STAU1: variants seen among roughly 807,000 people sequenced by gnomAD.
STAU1 encodes staufen double-stranded RNA binding protein 1, also known as double-stranded RNA-binding protein Staufen homolog 1.
Under a neutral mutation model 62.9 loss-of-function variants are expected in STAU1, and 13 were observed. The ratio of observed to expected loss-of-function variants is 0.21; its 90% CI spans 0.13 to 0.33. The LOEUF (loss-of-function observed/expected upper bound fraction) is 0.33, where lower values mean the gene tolerates loss of function less well. STAU1 is among the 10% of genes least tolerant of loss of function. STAU1 has a pLI of 1.00. For missense variants in STAU1, 571 were observed against 712.1 expected (o/e 0.80, Z 2.25); for synonymous variants, 269 against 265.1 (o/e 1.01, Z -0.14).
chr20:49,117,888 G>T lies in STAU1; in HGVS notation c.1398C>A (p.Pro466=). ...ARELLYGGTS[P]TAETILKNNI... ...TATTCTTTAAAATGGTCTCGGCTGT[G>T]GGCGAGGTGCCCCCATACAACAACT... Residue 466 remains proline, a synonymous_variant, in exon 11 of 14, where the codon CCC becomes CCA. Transcript: ENST00000371856. This position sits in a 1 kb window ranked among gnomAD's most constrained non-coding sequence, Gnocchi z 4.6. 26 of 1,614,160 alleles carry T rather than the reference G, an allele frequency of 1.6e-5. No homozygotes were observed. The highest frequency in any genetic ancestry group is 2.2e-5 in the Non-Finnish European group (26 of 1,180,020).
chr20:49,117,341 C>T lies in STAU1; in HGVS notation c.1510-93G>A. On this transcript the variant is annotated intron_variant, in intron 11 of 13. Transcript: ENST00000371856. The surrounding 1 kb of genome is among the most constrained non-coding windows in gnomAD (Gnocchi z 4.6). ...CTCCAGGCCCCACAAGCAAGATCACCAGCTCTTTTTTCCAACTCAGCCCCA... is the reference window on the plus strand; with the variant it reads ...CTCCAGGCCCCACAAGCAAGATCACTAGCTCTTTTTTCCAACTCAGCCCCA... The T allele has an allele frequency of 1.3e-6, 2 of 1,499,818 alleles. No individual in the cohort carries two copies. Among genetic ancestry groups the T allele is most frequent in the Non-Finnish European group, 9.1e-7 (1 of 1,099,952 alleles). 92.9% of individuals were successfully genotyped at this position (1,499,818 alleles called of 1,614,324 possible). A position where few individuals can be genotyped will look rare whatever the true frequency, so the allele number is the denominator to read the frequency against.
Position 49,114,726 on chromosome 20 carries a change from G to A in STAU1, c.*152C>T. ...AGCCCGGCCACAGCCGCCTCCTTGTGTTTCTGTTGTCTTCCCTGCTGCTGC... is the reference window on the plus strand; with the variant it reads ...AGCCCGGCCACAGCCGCCTCCTTGTATTTCTGTTGTCTTCCCTGCTGCTGC... On this transcript the variant is annotated 3_prime_UTR_variant, in exon 14 of 14. Coordinates refer to ENST00000371856, the MANE Select transcript of STAU1 (RefSeq NM_017453.4). 4.0e-6 allele frequency: 3 copies of A among 749,632 alleles called. No homozygotes were observed. The highest frequency in any genetic ancestry group is 3.3e-5 in the South Asian group (2 of 60,614). The allele number at this position is 749,632 out of a possible 1,614,324, so 46.4% of individuals were successfully genotyped here.
intron 6 of STAU1, among the ~76,000 whole-genome samples, chr20:49,130,262 T>C (rs2092722408): frequency 6.6e-6 from 1 of 152,074 alleles, no homozygotes; most frequent in Non-Finnish European, 1.5e-5. Context: ...AAGGCAACAC[T>C]ATAGGGACAG....
chr20:49,191,752 A>G (rs191036333), upstream of STAU1, among the ~76,000 whole-genome samples: 378 of 152,256 alleles, frequency 2.5e-3, 2 homozygotes, highest in Non-Finnish European at 4.2e-3. Context: ...CAATTAGAAG[A>G]CATAAAAATA....
the STAU1 span, among the ~76,000 whole-genome samples, chr20:49,217,662 T>G: frequency 0.058 from 7,777 of 134,768 alleles, 670 homozygotes; most frequent in African/African-American, 0.18. Context: ...ATCCTGTTTT[T>G]TTTTTCCTTT....
At chr20:49,129,830 G>C (rs1205325596) in intron 6 of STAU1, among the ~76,000 whole-genome samples, 1 of 151,926 alleles carries the variant, frequency 6.6e-6, no homozygotes, top group Non-Finnish European at 1.5e-5. Context: ...GTTTCACCAT[G>C]TTGGCCAGGC....
the STAU1 span, among the ~76,000 whole-genome samples, chr20:49,216,555 T>TA: frequency 6.6e-6 from 1 of 151,462 alleles, no homozygotes; most frequent in African/African-American, 2.4e-5. Context: ...TAAAAAAAAT[T>TA]AAAAACTCTC....
intron 3 of STAU1, among the ~76,000 whole-genome samples, chr20:49,164,328 G>C (rs939336379): frequency 6.6e-6 from 1 of 151,644 alleles, no homozygotes; most frequent in African/African-American, 2.4e-5. Flanking sequence ...ACAGGGTCTC[G>C]CTCTGTCTCC....
rs1471317963 is a variant in STAU1, at chr20:49,115,771, A to C, written c.1718+11T>G. 1 of 1,612,112 alleles carries C rather than the reference A, an allele frequency of 6.2e-7. No individual in the cohort carries two copies. The highest frequency in any genetic ancestry group is 2.2e-5 in the East Asian group (1 of 44,878). On this transcript the variant is annotated intron_variant, in intron 13 of 13. Transcript: ENST00000371856. ...CATCATCAGCGCCTTCCCCTTCATCAGTGCACTCACACAGACATTGGTCCG... is the reference window on the plus strand; with the variant it reads ...CATCATCAGCGCCTTCCCCTTCATCCGTGCACTCACACAGACATTGGTCCG...
At chr20:49,122,831 C>A (rs755272389) in intron 8 of STAU1, among the ~76,000 whole-genome samples, 1 of 152,098 alleles carries the variant, frequency 6.6e-6, no homozygotes, top group Non-Finnish European at 1.5e-5. Flanking sequence ...GCAGGAGAAT[C>A]GCTTCAATCA....
rs189116449 is a variant in STAU1 at position 49,158,558 on chromosome 20, C to T, written c.206-4487G>A. The T allele has an allele frequency of 6.6e-3, 8,335 of 1,263,036 alleles. 45 individuals are homozygous for T. The highest frequency in any genetic ancestry group is 7.6e-3 in the Non-Finnish European group (7,288 of 953,132). 78.2% of individuals were successfully genotyped at this position (1,263,036 alleles called of 1,614,324 possible). Reference sequence around the variant, plus strand: ...GGTGCAGTGGCTCATGCCTGTAATCCTAGCACTTTGGGAGGCCAAGGCAGG... The same window carrying T: ...GGTGCAGTGGCTCATGCCTGTAATCTTAGCACTTTGGGAGGCCAAGGCAGG... On this transcript the variant is annotated intron_variant, in intron 3 of 13. Transcript: ENST00000371856.
At chr20:49,130,952 G>C (rs2145971190) in intron 6 of STAU1, among the ~76,000 whole-genome samples, 1 of 151,212 alleles carries the variant, frequency 6.6e-6, no homozygotes, top group Non-Finnish European at 1.5e-5. Flanking sequence ...AAAAAAAAAA[G>C]ATTGCTGGAA....
chr20:49,123,197 C>G lies in STAU1; in HGVS notation c.861G>C (p.Pro287=). Residue 287 remains proline (P), a synonymous_variant, in exon 8 of 14, where the codon CCG becomes CCC. Transcript: ENST00000371856. ...TSPEYGQGIN[P]ISRLAQIQQA... ...GCTGGATCTGGGCCAGTCGGCTAAT[C>G]GGATTGATCCCCTGGCCATATTCTG... is the stretch of plus-strand genomic sequence containing the variant. 1 of 1,614,130 alleles carries G rather than the reference C, an allele frequency of 6.2e-7. No homozygotes were observed. The highest frequency in any genetic ancestry group is 8.5e-7 in the Non-Finnish European group (1 of 1,180,014).
chr20:49,165,616 G>A (rs2250852), intron 3 of STAU1, among the ~76,000 whole-genome samples: 3,604 of 152,320 alleles, frequency 0.024, 150 homozygotes, highest in African/African-American at 0.081. Context: ...GATTACAGGC[G>A]TGAGCCACGG....
intron 3 of STAU1, among the ~76,000 whole-genome samples, chr20:49,156,357 A>G (rs915287697): frequency 2.6e-5 from 4 of 152,222 alleles, no homozygotes; most frequent in Admixed American, 6.5e-5. Context: ...CCACTGCTTT[A>G]CAATGAGGTT....
chr20:49,157,319 C>A (rs2093375635), intron 3 of STAU1, among the ~76,000 whole-genome samples: 1 of 152,058 alleles, frequency 6.6e-6, no homozygotes, highest in African/African-American at 2.4e-5. Flanking sequence ...AACATAACCA[C>A]CCTTTTTTTC....
the STAU1 span, among the ~76,000 whole-genome samples, chr20:49,213,397 T>C: frequency 4.6e-5 from 7 of 152,050 alleles, no homozygotes; most frequent in Non-Finnish European, 8.8e-5. Context: ...ACCCGGCTAA[T>C]TTTTGTATTT....
At chr20:49,151,891 G>C in intron 4 of STAU1, 144 bp from the exon 5 acceptor site, 2 of 721,568 alleles carry the variant, frequency 2.8e-6, no homozygotes, top group Non-Finnish European at 4.3e-6. Context: ...AATATATCCA[G>C]AGATTTCATA....
At chr20:49,189,619 C>CAAAAAAAA (rs71186430), upstream of STAU1, among the ~76,000 whole-genome samples, 2 of 55,336 alleles carry the variant, frequency 3.6e-5, no homozygotes, top group Middle Eastern at 7.8e-3. Flanking sequence ...GACTCTGTCT[C>CAAAAAAAA]AAAAAAAAAA....
Sources: gnomAD v4.1 joint callset for allele counts (sites outside exome capture counted in the v4.1 genomes callset) on GRCh38, gnomAD v4.1.1 for gene constraint, Gnocchi (gnomAD v3.1) non-coding constraint, MANE v1.5 for transcripts, NCBI Gene and HGNC (gene_info 2026-07-23, HGNC 2026-07-21) for gene names.